Variants in LIPG observed in about 807,000 individuals in gnomAD.
LIPG encodes the protein lipase G, endothelial type.
LIPG carries 34 observed loss-of-function variants against 51.8 expected under a neutral mutation model. The ratio of observed to expected loss-of-function variants is 0.66; its 90% confidence interval spans 0.50 to 0.87. The LOEUF is 0.87. Among genes scored for constraint, LIPG ranks in the 40% least tolerant of loss-of-function variants. The pLI, the probability that LIPG is intolerant of heterozygous loss-of-function variation, is 0.00. For synonymous variants in LIPG, 246 were observed against 246.1 expected (o/e 1.00, Z 0.00); for missense variants, 580 against 652.7 (o/e 0.89, Z 1.21).
At chr18:49,574,508 A>G (rs559934132) in intron 4 of LIPG, among the ~76,000 whole-genome samples, 61 of 152,308 alleles carry the variant, frequency 4.0e-4, no homozygotes, top group Non-Finnish European at 8.1e-4. Flanking sequence ...AAATCAAAAG[A>G]TGGTGAAAGT....
In LIPG at chr18:49,595,100, T is replaced by C. The variant is rs1313940319; in HGVS notation, c.*4578T>C. The stretch of plus-strand genomic sequence containing the variant: ...CTAGAACAGTCTTTGTCATCAAATA[T>C]GGTATTTCTCAGGTGTCACCTCTGT... On this transcript the variant is annotated 3_prime_UTR_variant, in exon 10 of 10. Transcript: ENST00000261292. 6.6e-6 allele frequency: 1 copy of C among 152,206 alleles called. No homozygotes were observed. Among genetic ancestry groups the C allele is most frequent in the East Asian group, 1.9e-4 (1 of 5,200 alleles). 9.4% of individuals were successfully genotyped at this position (152,206 alleles called of 1,614,324 possible).
intron 9 of LIPG, among the ~76,000 whole-genome samples, chr18:49,587,129 C>A (rs1290978445): frequency 6.7e-6 from 1 of 150,264 alleles, no homozygotes; most frequent in South Asian, 2.1e-4. Context: ...AAAAAGAATG[C>A]CGGGCATGGT....
intron 9 of LIPG, among the ~76,000 whole-genome samples, chr18:49,588,140 C>T (rs115292681): frequency 1.5e-4 from 23 of 152,182 alleles, no homozygotes; most frequent in African/African-American, 4.8e-4. Flanking sequence ...GCTGTGGGAA[C>T]GTGCCTAAGG....
chr18:49,572,727 T>C (rs1250233875), intron 4 of LIPG, among the ~76,000 whole-genome samples: 2 of 70,094 alleles, frequency 2.9e-5, no homozygotes, highest in East Asian at 5.2e-4. Flanking sequence ...TGAGACCCTG[T>C]CTTAAAAAAA....
Position 49,583,455 on chromosome 18 carries a change from T to C in LIPG, c.1158-101T>C, listed in dbSNP as rs559190629. 3.9e-4 allele frequency: 354 copies of C among 917,510 alleles called. 2 individuals carry two copies. The highest frequency in any genetic ancestry group is 2.2e-3 in the Middle Eastern group (10 of 4,594). The allele number at this position is 917,510 out of a possible 1,614,324, so 56.8% of individuals were successfully genotyped here. ...GGGGAAAGCACTCACACTGTCTCTC[T>C]CCTGTCTGTGTGGGGTTGTTACTGC... On this transcript the variant is annotated intron_variant, in intron 7 of 9. Coordinates refer to ENST00000261292, the MANE Select transcript of LIPG (RefSeq NM_006033.4).
chr18:49,582,250 A>G (rs1233990073), intron 6 of LIPG, 112 bp from the exon 7 acceptor site: 1 of 1,398,818 alleles, frequency 7.1e-7, no homozygotes, highest in Non-Finnish European at 1.0e-6. Context: ...GCTGGGCTCA[A>G]CCAAAAGAAC....
rs756805114 is a variant in LIPG, at chr18:49,581,575, C to T, written c.954C>T (p.Ser318=). The T allele has an allele frequency of 5.6e-6, 9 of 1,614,108 alleles. No individual in the cohort carries two copies. In the African/African-American group the frequency reaches 8.0e-5, roughly 14 times the overall value. The change falls in exon 6 of 10, where the codon AGC becomes AGT. Residue 318 remains serine (S), a synonymous_variant. Coordinates refer to ENST00000261292, the MANE Select transcript of LIPG (RefSeq NM_006033.4). The part of the protein sequence containing the change: ...CLSCRKNRCN[S]IGYNAKKMRN... ...GCTGCCGCAAGAACCGTTGTAATAG[C>T]ATTGGCTACAATGCCAAGAAAATGA...
chr18:49,581,973 G>A lies in LIPG; in HGVS notation c.1036+316G>A, dbSNP rs1374240810. The A allele has an allele frequency of 3.1e-5, 18 of 585,066 alleles. No individual in the cohort carries two copies. In the East Asian group the frequency reaches 4.8e-4, roughly 16 times the overall value. The allele number at this position is 585,066 out of a possible 1,614,324, so 36.2% of individuals were successfully genotyped here. ...TGATCATCACAAGAAACCTGAGGCA[G>A]ATGAACAGGGGACCAAAATGACATG... On this transcript the variant is annotated intron_variant, in intron 6 of 9. Transcript: ENST00000261292.
At chr18:49,565,621 G>T in intron 2 of LIPG, 123 bp downstream of exon 2, 2 of 1,116,248 alleles carry the variant, frequency 1.8e-6, no homozygotes, top group South Asian at 2.6e-5. Context: ...CTTGTGGGCT[G>T]CTTGTATTTC....
intron 6 of LIPG, 124 bp from the exon 7 acceptor site, chr18:49,582,238 A>G (rs1004342661): frequency 9.4e-6 from 11 of 1,175,624 alleles, no homozygotes; most frequent in Non-Finnish European, 1.4e-5. Context: ...TGGGGGCTGC[A>G]GGCTGGGCTC....
intron 1 of LIPG, among the ~76,000 whole-genome samples, chr18:49,563,208 T>A (rs1344927706): frequency 2.0e-5 from 3 of 152,104 alleles, no homozygotes; most frequent in African/African-American, 7.2e-5. Context: ...TCTGCTGAGG[T>A]TGTGCCAAAT....
rs1217524973 is a variant in LIPG, at chr18:49,591,512, T to C, written c.*990T>C. On this transcript the variant is annotated 3_prime_UTR_variant, in exon 10 of 10. Transcript: ENST00000261292. ...TGCTTTGGAGCAAATCTCTTCTGTT[T>C]AGAGAGATAGAAGTTATGACATATG... 1 of 152,218 alleles carries C rather than the reference T, an allele frequency of 6.6e-6. No individual in the cohort carries two copies. The highest frequency in any genetic ancestry group is 1.5e-5 in the Non-Finnish European group (1 of 68,040). 9.4% of individuals were successfully genotyped at this position (152,218 alleles called of 1,614,324 possible).
intron 8 of LIPG, among the ~76,000 whole-genome samples, chr18:49,586,082 C>T (rs543614210): frequency 5.6e-4 from 86 of 152,292 alleles, no homozygotes; most frequent in Middle Eastern, 3.4e-3. Context: ...CCTGAGGCTG[C>T]GTGGGGCAGC....
At chr18:49,563,365 A>G (rs370928324) in intron 1 of LIPG, among the ~76,000 whole-genome samples, 2 of 152,164 alleles carry the variant, frequency 1.3e-5, no homozygotes, top group African/African-American at 2.4e-5. Context: ...GTAAAATGCT[A>G]AAGTTCCTTC....
chr18:49,562,044 A>C (rs879494943), upstream of LIPG: 4 of 1,438,360 alleles, frequency 2.8e-6, no homozygotes, highest in Admixed American at 2.9e-5. Context: ...AACTACCTCT[A>C]TAGGAGCGTG....
At chr18:49,573,314 C>T (rs1022805118) in intron 4 of LIPG, among the ~76,000 whole-genome samples, 1 of 152,206 alleles carries the variant, frequency 6.6e-6, no homozygotes, top group African/African-American at 2.4e-5. Context: ...TTGTCGTGGG[C>T]TGTTCTGGGA....
At chr18:49,563,486 G>A (rs999794898) in intron 1 of LIPG, among the ~76,000 whole-genome samples, 54 of 152,008 alleles carry the variant, frequency 3.6e-4, no homozygotes, top group Admixed American at 3.5e-3. Context: ...GCAGGGGAGA[G>A]AGCAGTGGAC....
At chr18:49,563,689 T>C (rs574366655) in intron 1 of LIPG, among the ~76,000 whole-genome samples, 2 of 151,822 alleles carry the variant, frequency 1.3e-5, no homozygotes, top group South Asian at 4.2e-4. Context: ...TCTGGAGAAG[T>C]TGACCATTGA....
In LIPG at chr18:49,577,821, G is replaced by A. The variant is rs1478362101; in HGVS notation, c.793+2231G>A. Among the ~76,000 whole-genome samples, 7 of 117,170 alleles carry A rather than the reference G, an allele frequency of 6.0e-5. 1 individual carries two copies. Among genetic ancestry groups the A allele is most frequent in the African/African-American group, 2.6e-4 (7 of 26,472 alleles). The allele number at this position is 117,170 out of a possible 152,430, so 76.9% of individuals were successfully genotyped here. A position where few individuals can be genotyped will look rare whatever the true frequency, so the allele number is the denominator to read the frequency against. On this transcript the variant is annotated intron_variant, in intron 5 of 9. Coordinates refer to ENST00000261292, the MANE Select transcript of LIPG (RefSeq NM_006033.4). ...TGACCCCCCCACCTCCCTCCCGGAC[G>A]GGGCGGCTGGCCGGGTGGGGGGGCT...
Sources: allele counts gnomAD v4.1 joint callset (sites outside exome capture counted in the v4.1 genomes callset), GRCh38; gene constraint gnomAD v4.1.1; transcripts MANE v1.5; gene names NCBI Gene and HGNC (gene_info 2026-07-23, HGNC 2026-07-21).